BTBD16: variants seen among roughly 807,000 people sequenced by gnomAD.
BTBD16 encodes the protein BTB/POZ domain-containing protein 16.
BTBD16 carries 66 observed loss-of-function variants against 67.4 expected under a neutral mutation model. The observed-to-expected ratio is 0.98, with a 90% CI of 0.80 to 1.20. The LOEUF is 1.20. Ranked by LOEUF, BTBD16 falls within the 50% of genes most tolerant of loss-of-function variation. The probability of loss-of-function intolerance (pLI) is 0.00; values close to 1 mark genes in which losing one functional copy is unlikely to be tolerated. For synonymous variants in BTBD16, 242 were observed against 236.4 expected (o/e 1.02, Z -0.22); for missense variants, 634 against 616.0 (o/e 1.03, Z -0.31).
chr10:122,312,192 T>C (rs977756594), intron 10 of BTBD16, among the ~76,000 whole-genome samples: 22 of 152,152 alleles, frequency 1.4e-4, no homozygotes, highest in African/African-American at 4.6e-4. Flanking sequence ...TGCCAAACAG[T>C]TTTGCAAAGT....
intron 3 of BTBD16, among the ~76,000 whole-genome samples, chr10:122,279,137 T>A (rs1371706680): frequency 6.6e-6 from 1 of 152,014 alleles, no homozygotes; most frequent in Non-Finnish European, 1.5e-5. Flanking sequence ...AGAATTGAAG[T>A]CACTGGTGCA....
chr10:122,312,715 T>G (rs953084384), intron 10 of BTBD16, among the ~76,000 whole-genome samples: 5 of 152,238 alleles, frequency 3.3e-5, no homozygotes, highest in African/African-American at 1.2e-4. Context: ...TTTATATATT[T>G]GTTAGCCATT....
intron 13 of BTBD16, among the ~76,000 whole-genome samples, chr10:122,333,760 A>AT (rs145893284): frequency 0.037 from 5,605 of 150,122 alleles, 300 homozygotes; most frequent in African/African-American, 0.12. Flanking sequence ...TTGCTTTGTA[A>AT]TTTTTTTTTT....
rs2096358205 is a variant in BTBD16 at position 122,283,929 on chromosome 10, G to GTT, written c.241+7_241+8dup. 6.2e-7 allele frequency: 1 copy of GTT among 1,609,676 alleles called. No homozygotes were observed. Among genetic ancestry groups the GTT allele is most frequent in the African/African-American group, 1.3e-5 (1 of 74,936 alleles). ...ACATCCAAAGTGGGGAAGCAGGTGA[G>GTT]TTTGTGTTATCCATGGATTAAGCCA... On this transcript the variant is annotated splice_donor_region_variant and intron_variant, in intron 4 of 15. Coordinates refer to ENST00000260723, the MANE Select transcript of BTBD16 (RefSeq NM_144587.5).
At chr10:122,283,112 C>A (rs932867807) in intron 3 of BTBD16, among the ~76,000 whole-genome samples, 80 of 152,178 alleles carry the variant, frequency 5.3e-4, no homozygotes, top group Non-Finnish European at 5.9e-5. Flanking sequence ...TGGGGAAACA[C>A]TGGAGGATTC....
rs958093256 is a variant in BTBD16 at position 122,280,647 on chromosome 10, G to C, written c.168-3204G>C. Among the ~76,000 whole-genome samples the C allele has an allele frequency of 2.7e-5, 4 of 150,862 alleles. No individual in the cohort carries two copies. The South Asian group carries it at 6.3e-4, about 24-fold the overall frequency. ...ACCAGAGAGTAGTTCTGGGATAGTGGGACTAGAGAACAATGACCCACGTTA... is the reference window on the plus strand; with the variant it reads ...ACCAGAGAGTAGTTCTGGGATAGTGCGACTAGAGAACAATGACCCACGTTA... On this transcript the variant is annotated intron_variant, in intron 3 of 15. Coordinates refer to ENST00000260723, the MANE Select transcript of BTBD16 (RefSeq NM_144587.5).
At chr10:122,330,665 T>C (rs1420506471) in intron 11 of BTBD16, among the ~76,000 whole-genome samples, 1 of 152,222 alleles carries the variant, frequency 6.6e-6, no homozygotes, top group Non-Finnish European at 1.5e-5. Context: ...CCATCCAATT[T>C]GGAGTGAATG....
chr10:122,283,813 A>G (rs771756717), intron 3 of BTBD16, 38 bp from the exon 4 acceptor site: 39 of 1,545,580 alleles, frequency 2.5e-5, no homozygotes, highest in Non-Finnish European at 3.3e-5. Flanking sequence ...AAATGTCAGT[A>G]TTAACTCCTG....
At chr10:122,326,094 A>AT (rs541190387) in intron 10 of BTBD16, among the ~76,000 whole-genome samples, 2 of 151,822 alleles carry the variant, frequency 1.3e-5, no homozygotes, top group African/African-American at 2.4e-5. Flanking sequence ...TAAAATGTGT[A>AT]TTTTTTTCAA....
intron 7 of BTBD16, chr10:122,294,260 C>T (rs2096379182): frequency 1.0e-6 from 1 of 959,084 alleles, no homozygotes; most frequent in Non-Finnish European, 1.2e-6. Context: ...AACGGAAGTG[C>T]CCCAGGTCAC....
intron 3 of BTBD16, among the ~76,000 whole-genome samples, chr10:122,282,439 A>G (rs1019204944): frequency 4.6e-5 from 7 of 152,216 alleles, no homozygotes; most frequent in African/African-American, 1.7e-4. Context: ...TATTCTGGAC[A>G]CGGGCTCCCA....
intron 10 of BTBD16, among the ~76,000 whole-genome samples, chr10:122,308,417 C>T (rs976462348): frequency 2.0e-5 from 3 of 152,180 alleles, no homozygotes; most frequent in Non-Finnish European, 2.9e-5. Flanking sequence ...GACCTCACAT[C>T]GCCATGCATT....
At chr10:122,273,237 T>C (rs2096333074) in intron 1 of BTBD16, among the ~76,000 whole-genome samples, 1 of 148,880 alleles carries the variant, frequency 6.7e-6, no homozygotes, top group Admixed American at 6.7e-5. Flanking sequence ...TATATATATA[T>C]ATATATATAC....
intron 7 of BTBD16, chr10:122,295,318 G>A (rs1342733931): frequency 1.2e-5 from 12 of 985,324 alleles, no homozygotes; most frequent in Non-Finnish European, 1.4e-5. Flanking sequence ...GGGAGAAAGA[G>A]GGGACAGGGT....
At chr10:122,274,110 G>A (rs769185505) in intron 1 of BTBD16, among the ~76,000 whole-genome samples, 6 of 152,340 alleles carry the variant, frequency 3.9e-5, no homozygotes, top group Non-Finnish European at 8.8e-5. Flanking sequence ...ATCAAGTGCC[G>A]TGGCTTCTGC....
intron 7 of BTBD16, among the ~76,000 whole-genome samples, chr10:122,294,754 T>C (rs2096380053): frequency 6.6e-6 from 1 of 152,248 alleles, no homozygotes; most frequent in Admixed American, 6.5e-5. Flanking sequence ...CGGATGGCTT[T>C]CTTTGCTTCC....
intron 10 of BTBD16, among the ~76,000 whole-genome samples, chr10:122,309,145 G>T (rs2096408909): frequency 6.6e-6 from 1 of 151,654 alleles, no homozygotes; most frequent in African/African-American, 2.4e-5. Flanking sequence ...CTCTTTTTTT[G>T]AGACAGGGTC....
In BTBD16 at chr10:122,336,588, G is replaced by A. The variant is rs964219315; in HGVS notation, c.1358G>A (p.Arg453Lys). ...GCACGCCTGGTGAAGTATGAGATCA[G>A]AGCAGAGGCCCTGGTTGACGGCAAG... is the stretch of plus-strand genomic sequence containing the variant. The part of the protein sequence containing the change: ...RAARLVKYEI[R>K]AEALVDGKWQ... Residue 453 changes from arginine to lysine, a missense_variant, in exon 15 of 16, where the codon AGA (arginine) becomes AAA (lysine). Physicochemically the swap from Arg to Lys is conservative, Grantham distance 26. Transcript: ENST00000260723. 6.2e-7 allele frequency: 1 copy of A among 1,613,318 alleles called. No individual in the cohort carries two copies.
intron 7 of BTBD16, chr10:122,295,491 C>CAG (rs2096381477): frequency 1.0e-6 from 1 of 985,360 alleles, no homozygotes; most frequent in Non-Finnish European, 1.2e-6. Flanking sequence ...GGGAGAGTGG[C>CAG]AGAGCCTCTG....
Sources: allele counts gnomAD v4.1 joint callset (sites outside exome capture counted in the v4.1 genomes callset), GRCh38; gene constraint gnomAD v4.1.1; transcripts MANE v1.5; gene names NCBI Gene and HGNC (gene_info 2026-07-23, HGNC 2026-07-21).